The following GRID1 variants were observed in gnomAD, a reference collection of about 807,000 sequenced individuals.
GRID1 encodes glutamate receptor ionotropic, delta-1.
In GRID1, 28 loss-of-function variants were observed where a neutral mutation model predicts 98.0. That is an observed-to-expected ratio of 0.29 (90% CI 0.21 to 0.39). The LOEUF is 0.39. Ranked by LOEUF, GRID1 falls within the 10% of genes least tolerant of loss-of-function variation. GRID1 has a pLI of 1.00. For synonymous variants in GRID1, 553 were observed against 538.5 expected, an observed-to-expected ratio of 1.03 and a Z score of -0.37; for missense variants, 1,111 against 1,340.5, an observed-to-expected ratio of 0.83 and a Z score of 2.67.
In GRID1 at chr10:85,601,410, A is replaced by C. The variant is rs1842574165; in HGVS notation, c.*863T>G. 1 of 152,172 alleles carries C rather than the reference A, an allele frequency of 6.6e-6. No individual in the cohort carries two copies. The highest frequency in any genetic ancestry group is 2.4e-5 in the African/African-American group (1 of 41,394). The allele number at this position is 152,172 out of a possible 1,614,324, so 9.4% of individuals were successfully genotyped here. A position where few individuals can be genotyped will look rare whatever the true frequency, so the allele number is the denominator to read the frequency against. On this transcript the variant is annotated 3_prime_UTR_variant, in exon 16 of 16. Coordinates refer to ENST00000327946, the MANE Select transcript of GRID1 (RefSeq NM_017551.3). ...TCCCTGCCCCCATGGACCTTCTTCC[A>C]GACCAACCCCACCTCCGCCCAGTCT... is the stretch of plus-strand genomic sequence containing the variant.
chr10:85,970,925 AT>A (rs1019042040), intron 4 of GRID1, among the ~76,000 whole-genome samples: 1 of 151,896 alleles, frequency 6.6e-6, no homozygotes, highest in African/African-American at 2.4e-5. Flanking sequence ...CAGCTCATTT[AT>A]TTTTTTTAAA....
At chr10:86,287,259 C>T (rs1351287737) in intron 2 of GRID1, among the ~76,000 whole-genome samples, 1 of 152,130 alleles carries the variant, frequency 6.6e-6, no homozygotes, top group African/African-American at 2.4e-5. Context: ...CAAATTCCCC[C>T]CTGTATCCCT....
intron 2 of GRID1, among the ~76,000 whole-genome samples, chr10:86,359,349 AG>A (rs1002331589): frequency 3.9e-5 from 6 of 152,194 alleles, no homozygotes; most frequent in African/African-American, 1.4e-4. Flanking sequence ...CATCAGAGCT[AG>A]GGATGGGGAG....
chr10:86,046,026 C>T (rs761125563), intron 4 of GRID1, among the ~76,000 whole-genome samples: 19 of 152,076 alleles, frequency 1.2e-4, no homozygotes, highest in African/African-American at 4.3e-4. Context: ...GCTCAGACAC[C>T]GGACCAAATT....
rs146667546 is a variant in GRID1 at position 85,655,367 on chromosome 10, C to A, written c.1998-7970G>T. On this transcript the variant is annotated intron_variant, in intron 12 of 15. Transcript: ENST00000327946. ...TTCCCTTTTAAGCTTCCTGTGCTGTCTGCCCACCTCAACCTTGAGCTCCCC... is the reference window on the plus strand; with the variant it reads ...TTCCCTTTTAAGCTTCCTGTGCTGTATGCCCACCTCAACCTTGAGCTCCCC... Among the ~76,000 whole-genome samples the A allele has an allele frequency of 5.4e-4, 83 of 152,334 alleles. No homozygotes were observed. The East Asian group carries it at 0.015, about 28-fold the overall frequency.
intron 13 of GRID1, among the ~76,000 whole-genome samples, chr10:85,629,560 A>T (rs1212125743): frequency 1.3e-5 from 2 of 152,226 alleles, no homozygotes; most frequent in East Asian, 1.9e-4. Flanking sequence ...AAAAGACATT[A>T]TTTTATTTTT....
At chr10:85,933,683 G>A (rs1429392342) in intron 4 of GRID1, among the ~76,000 whole-genome samples, 1 of 152,154 alleles carries the variant, frequency 6.6e-6, no homozygotes, top group Admixed American at 6.5e-5. Context: ...CATTTTGGGC[G>A]CAGGCTCGAT....
At chr10:86,296,496 T>C (rs1847590981) in intron 2 of GRID1, among the ~76,000 whole-genome samples, 1 of 152,186 alleles carries the variant, frequency 6.6e-6, no homozygotes, top group South Asian at 2.1e-4. Flanking sequence ...CCTAGCACTT[T>C]GGGAGCCTGA....
At chr10:85,875,809 A>C (rs920963460) in intron 5 of GRID1, among the ~76,000 whole-genome samples, 1 of 152,162 alleles carries the variant, frequency 6.6e-6, no homozygotes, top group African/African-American at 2.4e-5. Flanking sequence ...TTTTCCCATT[A>C]CACATTATTT....
At chr10:86,265,719 T>C (rs1231991960) in intron 2 of GRID1, among the ~76,000 whole-genome samples, 1 of 152,210 alleles carries the variant, frequency 6.6e-6, no homozygotes, top group Non-Finnish European at 1.5e-5. Flanking sequence ...TCAGTGCCAC[T>C]AACACTCACC....
chr10:85,703,524 GGAA>G (rs1841477576), intron 12 of GRID1, among the ~76,000 whole-genome samples: 2 of 152,038 alleles, frequency 1.3e-5, no homozygotes, highest in South Asian at 4.2e-4. Flanking sequence ...TTAAGTAGGA[GGAA>G]GAAGGAGAGG....
At chr10:85,623,434 C>T (rs1842878656) in intron 13 of GRID1, among the ~76,000 whole-genome samples, 1 of 152,216 alleles carries the variant, frequency 6.6e-6, no homozygotes, top group South Asian at 2.1e-4. Flanking sequence ...TTTGCTTCCT[C>T]CTTGTAGGGT....
intron 12 of GRID1, among the ~76,000 whole-genome samples, chr10:85,672,231 C>G (rs1419872732): frequency 6.6e-6 from 1 of 152,190 alleles, no homozygotes; most frequent in African/African-American, 2.4e-5. Context: ...TAGTGCAGCT[C>G]ATGACTTTAT....
rs982219861 is a variant in GRID1, at chr10:85,879,999, T to G, written c.781-10819A>C. Among the ~76,000 whole-genome samples the G allele has an allele frequency of 2.0e-5, 3 of 152,294 alleles. No homozygotes were observed. In the East Asian group the frequency reaches 5.8e-4, roughly 29 times the overall value. On this transcript the variant is annotated intron_variant, in intron 5 of 15. Transcript: ENST00000327946. ...TCAGAGAATACTATAAACACCTCTA[T>G]GCAAATAAACTAGAAAATCTAGAAG...
At chr10:85,755,346 G>C (rs1842086458) in intron 8 of GRID1, among the ~76,000 whole-genome samples, 1 of 152,222 alleles carries the variant, frequency 6.6e-6, no homozygotes, top group South Asian at 2.1e-4. Context: ...GGGTTCAGCT[G>C]AGCCGGCTGA....
At chr10:86,155,815 C>G (rs1019820023) in intron 3 of GRID1, among the ~76,000 whole-genome samples, 1 of 152,136 alleles carries the variant, frequency 6.6e-6, no homozygotes, top group Non-Finnish European at 1.5e-5. Context: ...CTAGCCGGGG[C>G]TGGGCTGTGT....
intron 4 of GRID1, among the ~76,000 whole-genome samples, chr10:85,990,037 G>A (rs1842661093): frequency 6.6e-6 from 1 of 152,156 alleles, no homozygotes; most frequent in African/African-American, 2.4e-5. Flanking sequence ...GAATCTGTCT[G>A]CACTTGGATC....
chr10:86,240,005 C>G (rs1846602216), intron 2 of GRID1, among the ~76,000 whole-genome samples: 1 of 152,120 alleles, frequency 6.6e-6, no homozygotes, highest in Admixed American at 6.5e-5. Context: ...GAGGGAAGAC[C>G]ATGTGAAGAC....
intron 3 of GRID1, among the ~76,000 whole-genome samples, chr10:86,157,365 C>T (rs1398447891): frequency 2.0e-5 from 3 of 152,114 alleles, no homozygotes; most frequent in Non-Finnish European, 4.4e-5. Context: ...GCATGAGACC[C>T]AGAAGGCAAA....
Sources: gnomAD v4.1 joint callset for allele counts (sites outside exome capture counted in the v4.1 genomes callset) on GRCh38, gnomAD v4.1.1 for gene constraint, MANE v1.5 for transcripts, NCBI Gene and HGNC (gene_info 2026-07-23, HGNC 2026-07-21) for gene names.